The following ADAMTS13 variants were observed in gnomAD, a reference collection of about 807,000 sequenced individuals.
ADAMTS13 encodes A disintegrin and metalloproteinase with thrombospondin motifs 13.
Under a neutral mutation model 155.1 loss-of-function variants are expected in ADAMTS13, and 110 were observed. That is an observed-to-expected ratio of 0.71 (90% CI 0.61 to 0.83). The LOEUF is 0.83. Ranked by LOEUF, ADAMTS13 falls within the 40% of genes least tolerant of loss-of-function variation. The probability of loss-of-function intolerance (pLI) is 0.00; values close to 1 mark genes in which losing one functional copy is unlikely to be tolerated. For missense variants in ADAMTS13, 1,707 were observed against 1,891.7 expected (o/e 0.90, Z 1.81); for synonymous variants, 758 against 756.4 (o/e 1.00, Z -0.03).
rs1001225098 is a variant in ADAMTS13, at chr9:133,441,223, C to T, written c.1968+698C>T. ...CCTTGGGAGAGGGGCCCAGTCTCAG[C>T]GGCCGGAGCAGCGTCCTCTGCCCCT... On this transcript the variant is annotated intron_variant, in intron 16 of 28. Coordinates refer to ENST00000355699, the MANE Select transcript of ADAMTS13 (RefSeq NM_139027.6). The surrounding 1 kb of genome is among the most constrained non-coding windows in gnomAD (Gnocchi z 5.0). Among the ~76,000 whole-genome samples, 4 of 152,250 alleles carry T rather than the reference C, an allele frequency of 2.6e-5. No individual in the cohort carries two copies. Among genetic ancestry groups the T allele is most frequent in the Non-Finnish European group, 5.9e-5 (4 of 67,994 alleles).
At position 133,440,651 on chromosome 9, in the gene ADAMTS13, G is replaced by A; in HGVS notation, c.1968+126G>A. On this transcript the variant is annotated intron_variant, in intron 16 of 28. Transcript: ENST00000355699. The surrounding 1 kb of genome is among the most constrained non-coding windows in gnomAD (Gnocchi z 4.3). ...ATTCATTCAGCGGTCACTTACAGGGGACCCACTATGTGTTGGGCCCTGTGC... is the reference window on the plus strand; with the variant it reads ...ATTCATTCAGCGGTCACTTACAGGGAACCCACTATGTGTTGGGCCCTGTGC... 1 of 1,197,128 alleles carries A rather than the reference G, an allele frequency of 8.4e-7. No homozygotes were observed. The highest frequency in any genetic ancestry group is 1.1e-6 in the Non-Finnish European group (1 of 874,524). 74.2% of individuals were successfully genotyped at this position (1,197,128 alleles called of 1,614,324 possible). A position where few individuals can be genotyped will look rare whatever the true frequency, so the allele number is the denominator to read the frequency against.
intron 2 of ADAMTS13, among the ~76,000 whole-genome samples, chr9:133,423,431 G>T (rs901024901): frequency 6.6e-6 from 1 of 152,202 alleles, no homozygotes; most frequent in Non-Finnish European, 1.5e-5. Flanking sequence ...GGCCCCTCCT[G>T]CCCCATGGCC....
chr9:133,429,795 G>T, intron 7 of ADAMTS13, 144 bp from the exon 8 acceptor site: 1 of 1,133,292 alleles, frequency 8.8e-7, no homozygotes, highest in Non-Finnish European at 1.3e-6. Flanking sequence ...GCTCCTGGTG[G>T]GGGGCGCGGG....
chr9:133,458,048 C>A lies in ADAMTS13; in HGVS notation c.3863C>A (p.Thr1288Asn). 1 of 1,613,460 alleles carries A rather than the reference C, an allele frequency of 6.2e-7. No individual in the cohort carries two copies. The highest frequency in any genetic ancestry group is 8.5e-7 in the Non-Finnish European group (1 of 1,180,034). ...HARIAIHALA[T>N]NMGAGTEGAN... ...CGGATTGCCATCCATGCCCTGGCCA[C>A]CAACATGGGCGCTGGGACCGAGGGA... The change falls in exon 28 of 29, where the codon ACC becomes AAC. Residue 1288 changes from threonine (T) to asparagine (N), a missense_variant. By Grantham distance (65) the Thr-to-Asn change is moderately conservative (BLOSUM62 0). Coordinates refer to ENST00000355699, the MANE Select transcript of ADAMTS13 (RefSeq NM_139027.6).
At position 133,456,978 on chromosome 9, in the gene ADAMTS13, C is replaced by A; in HGVS notation, c.3724+259C>A. 1 of 608,146 alleles carries A rather than the reference C, an allele frequency of 1.6e-6. No homozygotes were observed. The highest frequency in any genetic ancestry group is 3.0e-6 in the Non-Finnish European group (1 of 328,338). The allele number at this position is 608,146 out of a possible 1,614,324, so 37.7% of individuals were successfully genotyped here. ...GTGGGACATGGTCCACATCCTCAGT[C>A]AGTCCCTCAGGCCTCTGCCCCACAC... On this transcript the variant is annotated intron_variant, in intron 27 of 28. Coordinates refer to ENST00000355699, the MANE Select transcript of ADAMTS13 (RefSeq NM_139027.6). This position sits in a 1 kb window ranked among gnomAD's most constrained non-coding sequence, Gnocchi z 4.4.
At chr9:133,451,050 C>G (rs1475287042) in intron 23 of ADAMTS13, among the ~76,000 whole-genome samples, 2 of 152,144 alleles carry the variant, frequency 1.3e-5, no homozygotes, top group Admixed American at 1.3e-4. Flanking sequence ...TCCGTGGGGT[C>G]CGGAGCCCAG....
At chr9:133,432,270 A>G (rs1554787675) in intron 8 of ADAMTS13, among the ~76,000 whole-genome samples, 1 of 152,230 alleles carries the variant, frequency 6.6e-6, no homozygotes, top group East Asian at 1.9e-4. Context: ...TCTCAAAAAA[A>G]AACAAGAAAG....
chr9:133,438,152 G>A, intron 13 of ADAMTS13, 94 bp from the exon 14 acceptor site: 1 of 1,606,492 alleles, frequency 6.2e-7, no homozygotes. Context: ...TGCTGGTTTT[G>A]TGGATCCCAG....
Position 133,445,671 on chromosome 9 carries a change from C to T in ADAMTS13, c.2611-28C>T. 1 of 1,612,534 alleles carries T rather than the reference C, an allele frequency of 6.2e-7. No homozygotes were observed. Among genetic ancestry groups the T allele is most frequent in the Non-Finnish European group, 8.5e-7 (1 of 1,179,824 alleles). On this transcript the variant is annotated intron_variant, in intron 20 of 28. Transcript: ENST00000355699. This position sits in a 1 kb window ranked among gnomAD's most constrained non-coding sequence, Gnocchi z 5.0. ...GCTGGGTCCTCAGAGGAGGCCCAGA[C>T]CCACCAGCTTGTTGCTATTCCCCAC... is the stretch of plus-strand genomic sequence containing the variant.
chr9:133,447,209 A>G (rs1445842920), intron 21 of ADAMTS13, among the ~76,000 whole-genome samples: 1 of 152,114 alleles, frequency 6.6e-6, no homozygotes, highest in Non-Finnish European at 1.5e-5. Context: ...AAGACACACC[A>G]TGTTCTTAAA....
At chr9:133,436,574 C>T (rs940873057) in intron 11 of ADAMTS13, among the ~76,000 whole-genome samples, 1 of 152,196 alleles carries the variant, frequency 6.6e-6, no homozygotes, top group African/African-American at 2.4e-5. Flanking sequence ...AGGCTCTGAG[C>T]GTAATGCTCT....
rs1190041087 is a variant in ADAMTS13 at position 133,441,389 on chromosome 9, T to C, written c.1968+864T>C. On this transcript the variant is annotated intron_variant, in intron 16 of 28. Transcript: ENST00000355699. This position sits in a 1 kb window ranked among gnomAD's most constrained non-coding sequence, Gnocchi z 5.0. ...CCTTGCCTGGGACATTGTATCCAGA[T>C]GCTAGCTGCCGAGTGGCTCTCCCAT... Among the ~76,000 whole-genome samples the C allele has an allele frequency of 2.0e-5, 3 of 152,204 alleles. No individual in the cohort carries two copies. Among genetic ancestry groups the C allele is most frequent in the African/African-American group, 7.2e-5 (3 of 41,456 alleles).
chr9:133,448,291 T>A (rs1842206361), intron 21 of ADAMTS13, among the ~76,000 whole-genome samples: 1 of 152,240 alleles, frequency 6.6e-6, no homozygotes, highest in African/African-American at 2.4e-5. Context: ...ATTGCAATTC[T>A]TATAATGCCT....
intron 21 of ADAMTS13, among the ~76,000 whole-genome samples, chr9:133,447,329 G>T (rs984389736): frequency 4.6e-5 from 7 of 151,748 alleles, no homozygotes; most frequent in African/African-American, 9.7e-5. Flanking sequence ...GAAAACCTCT[G>T]TCACCAGGTT....
In ADAMTS13 at chr9:133,442,736, C is replaced by G. The variant is rs782671915; in HGVS notation, c.2227C>G (p.Pro743Ala). The change falls in exon 18 of 29, where the codon CCT becomes GCT. Residue 743 changes from proline (P) to alanine (A), a missense_variant. Around this residue, in one of 3 missense-constraint regions of ADAMTS13, gnomAD observed 961 missense variants for 1,107.9 expected, o/e 0.87. Transcript: ENST00000355699. ...WPEACVLEPC[P>A]PYWAVGDFGP... is the part of the protein sequence containing the mutation. The stretch of plus-strand genomic sequence containing the variant: ...AGAGGCCTGCGTGCTCGAACCCTGC[C>G]CTCCCTAGTGAGTGTGGTGCTGTCT... 4 of 1,612,574 alleles carry G rather than the reference C, an allele frequency of 2.5e-6. No individual in the cohort carries two copies. Among genetic ancestry groups the G allele is most frequent in the Middle Eastern group, 1.7e-4 (1 of 5,986 alleles).
At chr9:133,429,624 A>C in intron 7 of ADAMTS13, 1 of 469,340 alleles carries the variant, frequency 2.1e-6, no homozygotes, top group Non-Finnish European at 4.1e-6. Flanking sequence ...CCACCCGCGT[A>C]CATGTATCCC....
At chr9:133,438,154 G>A (rs1209557400) in intron 13 of ADAMTS13, 92 bp from the exon 14 acceptor site, 4 of 1,606,956 alleles carry the variant, frequency 2.5e-6, no homozygotes, top group Non-Finnish European at 3.4e-6. Context: ...CTGGTTTTGT[G>A]GATCCCAGAA....
chr9:133,430,826 A>T (rs191248214), intron 8 of ADAMTS13, among the ~76,000 whole-genome samples: 1 of 151,630 alleles, frequency 6.6e-6, no homozygotes, highest in East Asian at 1.9e-4. Flanking sequence ...ACGCCTGGCT[A>T]ATTTTTTGTA....
At position 133,422,540 on chromosome 9, in the gene ADAMTS13, TTC is replaced by T. The variant is rs782134844; in HGVS notation, c.98_99del (p.Phe33SerfsTer105). ...FLLGCWGPSHFQQSCLQALEP... is the reference protein window; with the variant it reads ...FLLGCWGPSHXQQSCLQALEP... ...CCTGGGCTGCTGGGGACCCTCCCATTTCCAGCAGGTGGGCTCATTTGCAGGAG... is the reference window on the plus strand; with the variant it reads ...CCTGGGCTGCTGGGGACCCTCCCATTCAGCAGGTGGGCTCATTTGCAGGAG... On this transcript the variant is annotated frameshift_variant, in exon 1 of 29. Coordinates refer to ENST00000355699, the MANE Select transcript of ADAMTS13 (RefSeq NM_139027.6). LOFTEE classifies it high-confidence loss of function. 10 of 1,613,966 alleles carry T rather than the reference TTC, an allele frequency of 6.2e-6. No homozygotes were observed. The highest frequency in any genetic ancestry group is 8.5e-6 in the Non-Finnish European group (10 of 1,180,016).
Sources: gnomAD v4.1 joint callset for allele counts (sites outside exome capture counted in the v4.1 genomes callset) on GRCh38, gnomAD v4.1.1 for gene constraint, gnomAD v4.1.1 regional missense constraint, Gnocchi (gnomAD v3.1) non-coding constraint, MANE v1.5 for transcripts, NCBI Gene and HGNC (gene_info 2026-07-23, HGNC 2026-07-21) for gene names.